The following SNU13 variants were observed in gnomAD, a reference collection of about 807,000 sequenced individuals.
The protein encoded by SNU13 is NHP2-like protein 1.
SNU13 carries 2 observed loss-of-function variants against 12.4 expected under a neutral mutation model. The ratio of observed to expected loss-of-function variants is 0.16; its 90% CI spans 0.07 to 0.51. The LOEUF is 0.51. Among genes scored for constraint, SNU13 ranks in the 20% least tolerant of loss-of-function variants. The pLI is 0.96. For missense variants in SNU13, 66 were observed against 157.8 expected, an observed-to-expected ratio of 0.42 and a Z score of 3.12; for synonymous variants, 68 against 66.5, an observed-to-expected ratio of 1.02 and a Z score of -0.11.
intron 1 of SNU13, chr22:41,682,398 A>T: frequency 6.2e-7 from 1 of 1,613,794 alleles, no homozygotes; most frequent in Non-Finnish European, 8.5e-7. Context: ...CACCGCGAGG[A>T]TACCACGCGT....
At chr22:41,687,346 T>C (rs759808127) in intron 1 of SNU13, among the ~76,000 whole-genome samples, 17 of 152,204 alleles carry the variant, frequency 1.1e-4, no homozygotes, top group Non-Finnish European at 2.4e-4. Context: ...TTAAAAAAAC[T>C]TTAAAAATTG....
chr22:41,679,581 A>T (rs1051358452), intron 2 of SNU13: 3 of 151,934 alleles, frequency 2.0e-5, no homozygotes, highest in Admixed American at 2.0e-4. Context: ...AATAAATAAA[A>T]TAAAATTAAA....
upstream of SNU13, chr22:41,689,015 T>G: frequency 7.6e-7 from 1 of 1,318,118 alleles, no homozygotes; most frequent in South Asian, 2.1e-5. Context: ...TTGGCGTTCT[T>G]ATGAGCTGCC....
At position 41,680,363 on chromosome 22, in the gene SNU13, G is replaced by GTC. The variant is rs2068252060; in HGVS notation, c.4-1_4dup (p.Thr2ArgfsTer6). The GTC allele has an allele frequency of 6.2e-7, 1 of 1,608,318 alleles. No individual in the cohort carries two copies. Among genetic ancestry groups the GTC allele is most frequent in the Non-Finnish European group, 8.5e-7 (1 of 1,177,752 alleles). ...GGCCTTTGGATTCACATCAGCCTCA[G>GTC]TCTATGGGGGGGACATAAAAATATC... On this transcript the variant is annotated frameshift_variant and splice_region_variant, in exon 2 of 3. Coordinates refer to ENST00000401959, the MANE Select transcript of SNU13 (RefSeq NM_001003796.2). LOFTEE classifies it high-confidence loss of function.
At chr22:41,676,022 G>A (rs1178638178) in intron 2 of SNU13, among the ~76,000 whole-genome samples, 2 of 152,002 alleles carry the variant, frequency 1.3e-5, no homozygotes, top group African/African-American at 4.8e-5. Flanking sequence ...GAGCCACCAC[G>A]CCTGGCCCTG....
intron 1 of SNU13, among the ~76,000 whole-genome samples, chr22:41,681,975 TTC>T (rs2068267325): frequency 8.2e-6 from 1 of 122,682 alleles, no homozygotes; most frequent in Admixed American, 8.0e-5. Context: ...GTAAATCATT[TTC>T]ATTAATTTTT....
chr22:41,680,451 C>T, intron 1 of SNU13, 87 bp from the exon 2 acceptor site: 1 of 1,434,900 alleles, frequency 7.0e-7, no homozygotes, highest in Non-Finnish European at 9.5e-7. Flanking sequence ...AATTGAGACA[C>T]AGGGGGCAGC....
At chr22:41,681,663 G>A (rs1277315793) in intron 1 of SNU13, 2 of 152,362 alleles carry the variant, frequency 1.3e-5, no homozygotes, top group Non-Finnish European at 2.9e-5. Flanking sequence ...TTACTTTATA[G>A]ATATATACTG....
upstream of SNU13, among the ~76,000 whole-genome samples, chr22:41,689,458 A>T (rs2068342264): frequency 6.9e-6 from 1 of 144,684 alleles, no homozygotes; most frequent in Admixed American, 6.9e-5. Context: ...TCACTAGGTC[A>T]GGAGATCGAG....
chr22:41,687,430 G>A (rs1048404582), intron 1 of SNU13, among the ~76,000 whole-genome samples: 7 of 152,100 alleles, frequency 4.6e-5, no homozygotes, highest in East Asian at 1.9e-4. Flanking sequence ...TCATAAAAGA[G>A]GAAGACTTCA....
Position 41,688,826 on chromosome 22 carries a change from AG to A in SNU13, c.-31del. ...GCGGTTCCGCGGGCTCAGCACTCCTAGGGGAGCGCAGCTGACGTTTCAGAAG... is the reference window on the plus strand; with the variant it reads ...GCGGTTCCGCGGGCTCAGCACTCCTAGGGAGCGCAGCTGACGTTTCAGAAG... On this transcript the variant is annotated 5_prime_UTR_variant, in exon 1 of 3. Coordinates refer to ENST00000401959, the MANE Select transcript of SNU13 (RefSeq NM_001003796.2). 1 of 1,579,638 alleles carries A rather than the reference AG, an allele frequency of 6.3e-7. No individual in the cohort carries two copies.
intron 1 of SNU13, chr22:41,682,471 G>A (rs148349905): frequency 1.9e-6 from 3 of 1,595,110 alleles, no homozygotes; most frequent in East Asian, 2.3e-5. Flanking sequence ...CCCAAGAGCA[G>A]GAAGTGACGC....
chr22:41,689,162 G>A (rs2068339521), upstream of SNU13: 1 of 920,730 alleles, frequency 1.1e-6, no homozygotes, highest in East Asian at 9.1e-5. Context: ...AGGAGTTCGA[G>A]ACCAGCCTGG....
intron 2 of SNU13, chr22:41,679,654 C>T (rs1395081512): frequency 6.8e-6 from 1 of 147,494 alleles, no homozygotes; most frequent in Non-Finnish European, 1.5e-5. Flanking sequence ...ATCATGCATA[C>T]ATAATTATTC....
upstream of SNU13, chr22:41,689,401 G>A (rs1035942962): frequency 1.3e-5 from 2 of 151,772 alleles, no homozygotes; most frequent in African/African-American, 4.9e-5. Flanking sequence ...CGGGTGCGGT[G>A]GCTCCCGCCT....
At chr22:41,686,328 G>A (rs1381035065) in intron 1 of SNU13, among the ~76,000 whole-genome samples, 1 of 146,216 alleles carries the variant, frequency 6.8e-6, no homozygotes, top group African/African-American at 2.5e-5. Flanking sequence ...TTTAAGAGAC[G>A]GCATCTCCCT....
chr22:41,689,787 G>A (rs951720649), upstream of SNU13, among the ~76,000 whole-genome samples: 7 of 151,236 alleles, frequency 4.6e-5, no homozygotes, highest in African/African-American at 1.7e-4. Context: ...ATACCAGCCT[G>A]ACCAATATGG....
chr22:41,676,021 C>T (rs765107825), intron 2 of SNU13, among the ~76,000 whole-genome samples: 7 of 152,112 alleles, frequency 4.6e-5, no homozygotes, highest in South Asian at 2.1e-4. Context: ...TGAGCCACCA[C>T]GCCTGGCCCT....
At chr22:41,679,050 GAGTTTAAGA>G (rs1266699182) in intron 2 of SNU13, among the ~76,000 whole-genome samples, 1 of 152,074 alleles carries the variant, frequency 6.6e-6, no homozygotes, top group Non-Finnish European at 1.5e-5. Context: ...CTGAGCTCAG[GAGTTTAAGA>G]CCAGCCTGGG....
Sources: gnomAD v4.1 joint callset for allele counts (sites outside exome capture counted in the v4.1 genomes callset) on GRCh38, gnomAD v4.1.1 for gene constraint, MANE v1.5 for transcripts, NCBI Gene and HGNC (gene_info 2026-07-23, HGNC 2026-07-21) for gene names.